The following MAGEC3 variants were observed in gnomAD, a reference collection of about 807,000 sequenced individuals.
MAGEC3 encodes the protein melanoma-associated antigen C3.
A neutral mutation model predicts 35.3 loss-of-function variants in MAGEC3; 34 were observed. That is an observed-to-expected ratio of 0.96 (90% confidence interval 0.73 to 1.28). The LOEUF (loss-of-function observed/expected upper bound fraction) is 1.28, where lower values mean the gene tolerates loss of function less well. Ranked by LOEUF, MAGEC3 falls within the 50% of genes most tolerant of loss-of-function variation. MAGEC3 has a pLI of 0.00. For synonymous variants in MAGEC3, 202 were observed against 185.6 expected (o/e 1.09, Z -0.72); for missense variants, 561 against 483.6 (o/e 1.16, Z -1.50).
intron 2 of MAGEC3, among the ~76,000 whole-genome samples, chrX:141,874,143 A>G (rs1174883487): frequency 8.9e-6 from 1 of 112,329 alleles, no homozygotes; most frequent in Non-Finnish European, 1.9e-5. Flanking sequence ...TTATACCAGA[A>G]CAAGTGGACA....
intron 1 of MAGEC3, 88 bp downstream of exon 1, chrX:141,838,526 C>A (rs1051930481): frequency 2.7e-6 from 3 of 1,127,547 alleles, no homozygotes; most frequent in African/African-American, 3.6e-5. Flanking sequence ...TGCTTGGCTC[C>A]AAGACAGTGT....
intron 4 of MAGEC3, among the ~76,000 whole-genome samples, chrX:141,883,393 A>G (rs767962514): frequency 6.3e-5 from 7 of 111,999 alleles, no homozygotes; most frequent in Non-Finnish European, 1.1e-4. Context: ...GGTGAAAAGG[A>G]GTTGGTCCTT....
intron 2 of MAGEC3, among the ~76,000 whole-genome samples, chrX:141,876,025 C>T (rs1259971400): frequency 8.9e-6 from 1 of 112,194 alleles, no homozygotes; most frequent in Non-Finnish European, 1.9e-5. Context: ...AGCCACAAGT[C>T]AGCCTTTTTT....
intron 2 of MAGEC3, among the ~76,000 whole-genome samples, chrX:141,868,332 T>C (rs1280875003): frequency 9.0e-6 from 1 of 111,601 alleles, no homozygotes; most frequent in Non-Finnish European, 1.9e-5. Context: ...GTGTGATGTA[T>C]CCAGGAGTTA....
At chrX:141,892,555 A>G (rs1253075157) in intron 4 of MAGEC3, among the ~76,000 whole-genome samples, 1 of 111,412 alleles carries the variant, frequency 9.0e-6, no homozygotes, top group Non-Finnish European at 1.9e-5. Context: ...TCTCACATTA[A>G]CAGAGGAAAT....
intron 1 of MAGEC3, among the ~76,000 whole-genome samples, chrX:141,847,184 C>T (rs774303270): frequency 9.0e-5 from 10 of 110,870 alleles, no homozygotes; most frequent in Admixed American, 2.9e-4. Flanking sequence ...TTGTAGGACA[C>T]ATTGGGTTTC....
chrX:141,872,604 G>A (rs1017919398), intron 2 of MAGEC3, among the ~76,000 whole-genome samples: 7 of 111,208 alleles, frequency 6.3e-5, no homozygotes, highest in South Asian at 3.9e-4. Flanking sequence ...TTTACCAGCC[G>A]GCTGAATTAG....
intron 2 of MAGEC3, among the ~76,000 whole-genome samples, chrX:141,874,283 G>T (rs1032154497): frequency 9.0e-6 from 1 of 111,460 alleles, no homozygotes; most frequent in Non-Finnish European, 1.9e-5. Flanking sequence ...AGATACCACA[G>T]GGGAAAACCT....
At chrX:141,868,079 C>T (rs1603064629) in intron 2 of MAGEC3, among the ~76,000 whole-genome samples, 1 of 109,614 alleles carries the variant, frequency 9.1e-6, no homozygotes, top group African/African-American at 3.3e-5. Flanking sequence ...GCCGAGATGG[C>T]GCCAGTGCAC....
At chrX:141,884,942 T>C (rs969241457) in intron 4 of MAGEC3, among the ~76,000 whole-genome samples, 2 of 111,392 alleles carry the variant, frequency 1.8e-5, no homozygotes, top group Non-Finnish European at 3.8e-5. Context: ...TTGCCCTGAG[T>C]GAGAGTCTTA....
In MAGEC3 at chrX:141,847,250, A is replaced by G. The variant is rs913733257; in HGVS notation, c.123+8812A>G. Among the ~76,000 whole-genome samples, 14 of 110,910 alleles carry G rather than the reference A, an allele frequency of 1.3e-4. No homozygotes were observed. The Admixed American group carries it at 1.3e-3, about 11-fold the overall frequency. ...CTTGTTACCCTCTTTCACGTTATTC[A>G]ACCAAAAGAGTTGTAGATTTCATTC... is the stretch of plus-strand genomic sequence containing the variant. On this transcript the variant is annotated intron_variant, in intron 1 of 7. Coordinates refer to ENST00000298296, the MANE Select transcript of MAGEC3 (RefSeq NM_138702.1).
At chrX:141,854,212 C>A (rs2017767338) in intron 1 of MAGEC3, among the ~76,000 whole-genome samples, 1 of 110,859 alleles carries the variant, frequency 9.0e-6, no homozygotes, top group South Asian at 3.8e-4. Flanking sequence ...TTAGTGGTTG[C>A]ACACACACAG....
chrX:141,897,297 G>A lies in MAGEC3; in HGVS notation c.1539G>A (p.Leu513=), dbSNP rs754300937. 8.3e-7 allele frequency: 1 copy of A among 1,211,504 alleles called. No homozygotes were observed. The highest frequency in any genetic ancestry group is 1.8e-5 in the South Asian group (1 of 56,864). Residue 513 remains leucine (L), a synonymous_variant, in exon 7 of 8, where the codon CTG becomes CTA. Transcript: ENST00000298296. The part of the protein sequence containing the change: ...EFIELIFGIA[L]TDMDPDNHSY... ...TAGAGCTAATTTTTGGCATTGCCCT[G>A]ACTGATATGGACCCCGACAACCACT...
At chrX:141,853,515 A>C (rs1222931056) in intron 1 of MAGEC3, among the ~76,000 whole-genome samples, 1 of 111,314 alleles carries the variant, frequency 9.0e-6, no homozygotes, top group Non-Finnish European at 1.9e-5. Flanking sequence ...ATTTATTTTT[A>C]CTTTATATGG....
At chrX:141,864,467 C>T (rs1292092602) in intron 1 of MAGEC3, among the ~76,000 whole-genome samples, 1 of 111,243 alleles carries the variant, frequency 9.0e-6, no homozygotes, top group African/African-American at 3.3e-5. Context: ...AGATCATGTT[C>T]TTTGCAGGAA....
intron 2 of MAGEC3, among the ~76,000 whole-genome samples, chrX:141,876,992 T>G (rs978660599): frequency 2.7e-5 from 3 of 112,386 alleles, no homozygotes; most frequent in Non-Finnish European, 5.6e-5. Context: ...CTTTTTCAAG[T>G]GTATATTGAC....
Position 141,895,325 on chromosome X carries a change from G to C in MAGEC3, c.966G>C (p.Glu322Asp), listed in dbSNP as rs765600530. 15 of 1,208,375 alleles carry C rather than the reference G, an allele frequency of 1.2e-5. No homozygotes were observed. Among genetic ancestry groups the C allele is most frequent in the Middle Eastern group, 2.3e-4 (1 of 4,375 alleles). The part of the protein sequence containing the change: ...ADVLSRLALW[E>D]SEGPEAFCEE... ...TGCTTTCCCGACTTGCACTGTGGGA[G>C]TCTGAAGGACCTGAAGCATTTTGCG... The change falls in exon 5 of 8, where the codon GAG becomes GAC. Residue 322 changes from glutamate (E) to aspartate (D), a missense_variant. Coordinates refer to ENST00000298296, the MANE Select transcript of MAGEC3 (RefSeq NM_138702.1).
intron 2 of MAGEC3, 59 bp downstream of exon 2, chrX:141,865,664 C>A (rs918289964): frequency 1.5e-5 from 17 of 1,108,452 alleles, no homozygotes; most frequent in Non-Finnish European, 2.0e-5. Flanking sequence ...GGAGTTTTAG[C>A]CCTGCCCTCC....
At chrX:141,883,443 A>T (rs895127526) in intron 4 of MAGEC3, among the ~76,000 whole-genome samples, 3 of 111,844 alleles carry the variant, frequency 2.7e-5, no homozygotes, top group African/African-American at 9.8e-5. Context: ...TTCAGTTTGG[A>T]TAGTGACAAT....
Sources: allele counts gnomAD v4.1 joint callset (sites outside exome capture counted in the v4.1 genomes callset), GRCh38; gene constraint gnomAD v4.1.1; transcripts MANE v1.5; gene names NCBI Gene and HGNC (gene_info 2026-07-23, HGNC 2026-07-21).